Variants in MFHAS1 observed in about 807,000 individuals in gnomAD.
MFHAS1 encodes malignant fibrous histiocytoma-amplified sequence 1.
A neutral mutation model predicts 70.4 loss-of-function variants in MFHAS1; 50 were observed. The observed-to-expected ratio is 0.71, with a 90% CI of 0.57 to 0.90. The LOEUF (loss-of-function observed/expected upper bound fraction) is 0.90. Ranked by LOEUF, MFHAS1 falls within the 40% of genes least tolerant of loss-of-function variation. The probability of loss-of-function intolerance (pLI) is 0.00; values close to 1 mark genes in which losing one functional copy is unlikely to be tolerated. For synonymous variants in MFHAS1, 952 were observed against 620.0 expected (o/e 1.54, Z -7.96); for missense variants, 1,795 against 1,347.6 (o/e 1.33, Z -5.20).
intron 1 of MFHAS1, among the ~76,000 whole-genome samples, chr8:8,814,217 C>G (rs557136181): frequency 3.6e-4 from 55 of 152,324 alleles, no homozygotes; most frequent in African/African-American, 1.3e-3. Context: ...GAATTACAGG[C>G]ATGAGCCAGC....
chr8:8,846,280 A>G (rs1440868223), intron 1 of MFHAS1, among the ~76,000 whole-genome samples: 29 of 77,982 alleles, frequency 3.7e-4, no homozygotes, highest in Admixed American at 9.5e-4. Context: ...GGGAAGGAGG[A>G]GGAGGGGGAG....
chr8:8,787,240 G>C (rs10089188), intron 2 of MFHAS1, among the ~76,000 whole-genome samples: 25,797 of 151,830 alleles, frequency 0.17, 2,650 homozygotes, highest in African/African-American at 0.28. Context: ...GCCACCACAC[G>C]CGGCTAATTT....
chr8:8,805,844 C>T (rs530407989), intron 1 of MFHAS1, among the ~76,000 whole-genome samples: 110 of 151,968 alleles, frequency 7.2e-4, no homozygotes, highest in African/African-American at 2.3e-3. Flanking sequence ...ATTACAGGCG[C>T]GCACCACCAT....
chr8:8,867,724 A>AT (rs1046543961), intron 1 of MFHAS1, among the ~76,000 whole-genome samples: 1 of 151,808 alleles, frequency 6.6e-6, no homozygotes, highest in African/African-American at 2.4e-5. Context: ...CACCCGGCTA[A>AT]TTTTTTGTAT....
At chr8:8,852,966 G>C (rs571320658) in intron 1 of MFHAS1, among the ~76,000 whole-genome samples, 4 of 152,120 alleles carry the variant, frequency 2.6e-5, no homozygotes, top group Non-Finnish European at 5.9e-5. Context: ...ATGTATTTCA[G>C]AGTCCTACTT....
intron 1 of MFHAS1, among the ~76,000 whole-genome samples, chr8:8,887,078 G>C (rs908635599): frequency 2.6e-5 from 4 of 152,146 alleles, no homozygotes; most frequent in African/African-American, 7.2e-5. Context: ...AGTGAGTCAA[G>C]ATCACTCCAC....
Position 8,892,516 on chromosome 8 carries a change from G to C in MFHAS1, c.543C>G (p.Ser181=), listed in dbSNP as rs757540737. The C allele has an allele frequency of 6.3e-6, 10 of 1,596,628 alleles. No homozygotes were observed. The highest frequency in any genetic ancestry group is 8.5e-6 in the Non-Finnish European group (10 of 1,171,796). Residue 181 remains serine (S), a synonymous_variant, in exon 1 of 3, where the codon TCC becomes TCG. Coordinates refer to ENST00000276282, the MANE Select transcript of MFHAS1 (RefSeq NM_004225.3). This position sits in a 1 kb window ranked among gnomAD's most constrained non-coding sequence, Gnocchi z 4.7. The part of the protein sequence containing the change: ...AHLPDSLSCL[S]RLRTLDVDHN... ...GATCCACGTCCAGGGTGCGCAGGCG[G>C]GAGAGGCAGGAGAGGGAGTCAGGCA...
chr8:8,812,126 T>TA (rs1336356421), intron 1 of MFHAS1, among the ~76,000 whole-genome samples: 2 of 151,952 alleles, frequency 1.3e-5, no homozygotes, highest in African/African-American at 4.8e-5. Flanking sequence ...GCCAACCTCT[T>TA]AGAATATTTT....
At chr8:8,871,090 A>C (rs1809058504) in intron 1 of MFHAS1, among the ~76,000 whole-genome samples, 1 of 152,154 alleles carries the variant, frequency 6.6e-6, no homozygotes, top group South Asian at 2.1e-4. Context: ...GAGAAGCAGC[A>C]CAGGGTGACA....
Position 8,784,975 on chromosome 8 carries a change from T to TTA in MFHAS1, c.*1046_*1047insTA, listed in dbSNP as rs1429726371. ...GATTATGCTCTCCAGTGAATGTAAC[T>TTA]GGAGCCTAAATTCACAACCTTAAGA... On this transcript the variant is annotated 3_prime_UTR_variant, in exon 3 of 3. Transcript: ENST00000276282. The TTA allele has an allele frequency of 5.3e-5, 8 of 152,194 alleles. No individual in the cohort carries two copies. Among genetic ancestry groups the TTA allele is most frequent in the African/African-American group, 1.9e-4 (8 of 41,446 alleles). The allele number at this position is 152,194 out of a possible 1,614,324, so 9.4% of individuals were successfully genotyped here.
At chr8:8,859,063 C>G (rs963091546) in intron 1 of MFHAS1, among the ~76,000 whole-genome samples, 2 of 152,190 alleles carry the variant, frequency 1.3e-5, no homozygotes, top group Non-Finnish European at 2.9e-5. Context: ...TTAAACAAAG[C>G]TCACCACGGC....
intron 2 of MFHAS1, among the ~76,000 whole-genome samples, chr8:8,790,696 G>A (rs1039911): frequency 0.29 from 43,709 of 151,884 alleles, 6,834 homozygotes; most frequent in African/African-American, 0.39. Flanking sequence ...TCTCCATTGT[G>A]ATGAAGCCTA....
chr8:8,813,412 G>C (rs1806623235), intron 1 of MFHAS1, among the ~76,000 whole-genome samples: 1 of 152,000 alleles, frequency 6.6e-6, no homozygotes, highest in South Asian at 2.1e-4. Context: ...TCCAGGAGAA[G>C]GCATTTTTAT....
intron 1 of MFHAS1, among the ~76,000 whole-genome samples, chr8:8,875,882 C>T (rs1037141294): frequency 2.0e-5 from 3 of 152,050 alleles, no homozygotes; most frequent in Non-Finnish European, 4.4e-5. Context: ...CCACCATGCC[C>T]GGCCTATAAG....
intron 1 of MFHAS1, among the ~76,000 whole-genome samples, chr8:8,820,473 C>T (rs1394991551): frequency 6.6e-6 from 1 of 152,198 alleles, no homozygotes; most frequent in East Asian, 1.9e-4. Context: ...GGTATTTGGT[C>T]CCAATTCCTT....
chr8:8,790,049 ATAT>A (rs1805672874), intron 2 of MFHAS1, among the ~76,000 whole-genome samples: 1 of 152,146 alleles, frequency 6.6e-6, no homozygotes, highest in Non-Finnish European at 1.5e-5. Flanking sequence ...TTTCTGCATA[ATAT>A]TAACATTTTT....
chr8:8,858,984 T>G (rs1808559161), intron 1 of MFHAS1, among the ~76,000 whole-genome samples: 1 of 152,220 alleles, frequency 6.6e-6, no homozygotes, highest in African/African-American at 2.4e-5. Context: ...GGATGTTACT[T>G]CTTACATATG....
At chr8:8,794,557 G>A (rs1003357151) in intron 2 of MFHAS1, among the ~76,000 whole-genome samples, 3 of 152,136 alleles carry the variant, frequency 2.0e-5, no homozygotes, top group Non-Finnish European at 4.4e-5. Context: ...TCACATCTAC[G>A]TGTGCTTTTC....
At chr8:8,801,076 G>A (rs528738243) in intron 1 of MFHAS1, among the ~76,000 whole-genome samples, 8 of 152,216 alleles carry the variant, frequency 5.3e-5, no homozygotes, top group Non-Finnish European at 7.4e-5. Context: ...TTAGTGGGGC[G>A]TGGTGGCACG....
Sources: allele counts gnomAD v4.1 joint callset (sites outside exome capture counted in the v4.1 genomes callset), GRCh38; gene constraint gnomAD v4.1.1; non-coding constraint Gnocchi (gnomAD v3.1); transcripts MANE v1.5; gene names NCBI Gene and HGNC (gene_info 2026-07-23, HGNC 2026-07-21).